TMC7: variants seen among roughly 807,000 people sequenced by gnomAD.
The protein encoded by TMC7 is transmembrane channel like 7, also known as transmembrane channel-like protein 7.
TMC7 carries 54 observed loss-of-function variants against 82.9 expected under a neutral mutation model. The ratio of observed to expected loss-of-function variants is 0.65; its 90% CI spans 0.52 to 0.82. The LOEUF is 0.82. TMC7 is among the 40% of genes least tolerant of loss of function. The pLI is 0.00. For missense variants in TMC7, 820 were observed against 901.2 expected (o/e 0.91, Z 1.15); for synonymous variants, 350 against 337.9 (o/e 1.04, Z -0.39).
At chr16:19,021,860 G>A in intron 4 of TMC7, 64 bp downstream of exon 4, 1 of 1,539,744 alleles carries the variant, frequency 6.5e-7, no homozygotes, top group East Asian at 2.3e-5. Flanking sequence ...TTGCTACAAT[G>A]CTTCCTTTGC....
At chr16:19,020,397 T>C (rs760704712) in intron 3 of TMC7, among the ~76,000 whole-genome samples, 2 of 152,210 alleles carry the variant, frequency 1.3e-5, no homozygotes, top group African/African-American at 2.4e-5. Flanking sequence ...AAATGTCATT[T>C]TTTTTTGCAG....
intron 1 of TMC7, among the ~76,000 whole-genome samples, chr16:18,988,160 T>TC (rs1377543055): frequency 6.9e-6 from 1 of 144,556 alleles, no homozygotes; most frequent in African/African-American, 2.6e-5. Flanking sequence ...CTCTTTCTTT[T>TC]TTTTTTTTTT....
intron 15 of TMC7, chr16:19,059,889 ATCCC>A: frequency 2.1e-6 from 1 of 480,342 alleles, no homozygotes; most frequent in Admixed American, 3.3e-5. Flanking sequence ...AGGCAGGAGA[ATCCC>A]TTGAACTCAG....
intron 2 of TMC7, among the ~76,000 whole-genome samples, chr16:19,015,218 C>A (rs1959621155): frequency 6.6e-6 from 1 of 151,878 alleles, no homozygotes; most frequent in Non-Finnish European, 1.5e-5. Context: ...CCTGCCTTGG[C>A]CTCCCAAAGT....
intron 3 of TMC7, among the ~76,000 whole-genome samples, chr16:19,020,599 G>T (rs1415078331): frequency 6.6e-6 from 1 of 152,148 alleles, no homozygotes; most frequent in Non-Finnish European, 1.5e-5. Flanking sequence ...TGGGCGTGGT[G>T]GCTCACGCCT....
chr16:19,050,760 C>T (rs938991663), intron 12 of TMC7, among the ~76,000 whole-genome samples: 3 of 152,140 alleles, frequency 2.0e-5, no homozygotes, highest in East Asian at 3.8e-4. Flanking sequence ...CTAGGCCTCC[C>T]GAAGTGCTGG....
intron 1 of TMC7, among the ~76,000 whole-genome samples, chr16:18,998,180 C>G (rs185557478): frequency 2.0e-5 from 3 of 152,170 alleles, no homozygotes; most frequent in Non-Finnish European, 4.4e-5. Context: ...CGTTTGCTGA[C>G]GTCTGTTCTA....
intron 13 of TMC7, among the ~76,000 whole-genome samples, chr16:19,053,164 A>T (rs959648203): frequency 4.6e-5 from 7 of 151,630 alleles, no homozygotes; most frequent in African/African-American, 1.7e-4. Flanking sequence ...TCTTATTCTC[A>T]CTCTCCATAG....
chr16:19,061,712 TG>T, intron 15 of TMC7, 65 bp from the exon 16 acceptor site: 1 of 1,393,468 alleles, frequency 7.2e-7, no homozygotes, highest in Non-Finnish European at 1.0e-6. Context: ...GCCCTCAGTC[TG>T]GTAGGTAATG....
intron 5 of TMC7, among the ~76,000 whole-genome samples, chr16:19,025,141 C>T (rs1960163085): frequency 6.6e-6 from 1 of 152,132 alleles, no homozygotes. Context: ...GGTCTCTACC[C>T]ACTAGATGCC....
chr16:19,047,989 G>A (rs1481129228), intron 12 of TMC7, among the ~76,000 whole-genome samples: 3 of 152,102 alleles, frequency 2.0e-5, no homozygotes, highest in East Asian at 1.9e-4. Flanking sequence ...GTGAGCCACC[G>A]CACCCGGCCT....
rs192500438 is a variant in TMC7 at position 19,029,265 on chromosome 16, A to G, written c.712-959A>G. ...TGTGATCTATCCGCCTCGGCCTCCC[A>G]AAGTGCTGGGATTACAGGCATGAGC... is the stretch of plus-strand genomic sequence containing the variant. On this transcript the variant is annotated intron_variant, in intron 5 of 15. Coordinates refer to ENST00000304381, the MANE Select transcript of TMC7 (RefSeq NM_024847.4). Among the ~76,000 whole-genome samples, 1,445 of 152,120 alleles carry G rather than the reference A, an allele frequency of 9.5e-3. 33 individuals carry two copies. The highest frequency in any genetic ancestry group is 0.033 in the African/African-American group (1,360 of 41,492).
At chr16:19,008,315 T>C (rs1482369465) in intron 1 of TMC7, among the ~76,000 whole-genome samples, 2 of 152,186 alleles carry the variant, frequency 1.3e-5, no homozygotes, top group Admixed American at 1.3e-4. Context: ...TCTGGCCTGA[T>C]ATAGAAACGA....
intron 13 of TMC7, among the ~76,000 whole-genome samples, chr16:19,055,810 C>T (rs970565208): frequency 6.6e-6 from 1 of 152,098 alleles, no homozygotes; most frequent in Non-Finnish European, 1.5e-5. Context: ...GCTATACCTA[C>T]CCCCGTCACC....
chr16:18,985,137 G>T (rs1200973549), intron 1 of TMC7, among the ~76,000 whole-genome samples: 1 of 152,024 alleles, frequency 6.6e-6, no homozygotes, highest in African/African-American at 2.4e-5. Context: ...GTGGGTGCTT[G>T]TAATCCCAGC....
At chr16:19,060,091 T>G in intron 15 of TMC7, 1 of 168,370 alleles carries the variant, frequency 5.9e-6, no homozygotes, top group Non-Finnish European at 1.3e-5. Context: ...GTTAATAAGA[T>G]AAATGCTGAT....
At chr16:19,052,006 C>T (rs1446717391) in intron 13 of TMC7, among the ~76,000 whole-genome samples, 190 bp downstream of exon 13, 1 of 151,820 alleles carries the variant, frequency 6.6e-6, no homozygotes, top group Non-Finnish European at 1.5e-5. Context: ...ATGATTCTCC[C>T]GAGTAGCTGG....
At chr16:19,025,968 G>A (rs549836048) in intron 5 of TMC7, among the ~76,000 whole-genome samples, 1 of 151,946 alleles carries the variant, frequency 6.6e-6, no homozygotes, top group African/African-American at 2.4e-5. Context: ...TAGAGACAGA[G>A]TTTTGCCATG....
At chr16:19,053,222 CT>C (rs1382301913) in intron 13 of TMC7, among the ~76,000 whole-genome samples, 1 of 151,744 alleles carries the variant, frequency 6.6e-6, no homozygotes, top group Admixed American at 6.6e-5. Context: ...TCCAGAAATT[CT>C]TTATGAAAAG....
Sources: allele counts gnomAD v4.1 joint callset (sites outside exome capture counted in the v4.1 genomes callset), GRCh38; gene constraint gnomAD v4.1.1; transcripts MANE v1.5; gene names NCBI Gene and HGNC (gene_info 2026-07-23, HGNC 2026-07-21).